DPT: variants seen among roughly 807,000 people sequenced by gnomAD.
The protein encoded by DPT is tyrosine-rich acidic matrix protein.
In DPT, 21 loss-of-function variants were observed where a neutral mutation model predicts 31.2. The observed-to-expected ratio is 0.67, with a 90% CI of 0.48 to 0.97. The LOEUF (loss-of-function observed/expected upper bound fraction) is 0.97, where lower values mean the gene tolerates loss of function less well. DPT is among the 50% of genes least tolerant of loss of function. The probability of loss-of-function intolerance (pLI) is 0.00; values close to 1 mark genes in which losing one functional copy is unlikely to be tolerated. For missense variants in DPT, 262 were observed against 258.8 expected (o/e 1.01, Z -0.08); for synonymous variants, 91 against 86.9 (o/e 1.05, Z -0.26).
At chr1:168,708,331 A>G (rs1247305673) in intron 2 of DPT, among the ~76,000 whole-genome samples, 1 of 152,220 alleles carries the variant, frequency 6.6e-6, no homozygotes, top group Non-Finnish European at 1.5e-5. Flanking sequence ...CCATTCCAGC[A>G]GATGAAAGGG....
At chr1:168,707,247 A>T (rs1480167460) in intron 2 of DPT, among the ~76,000 whole-genome samples, 2 of 152,184 alleles carry the variant, frequency 1.3e-5, no homozygotes. Context: ...ATAAATAAAT[A>T]TTATTATTAT....
chr1:168,712,864 T>C (rs950133533), intron 2 of DPT, among the ~76,000 whole-genome samples: 6 of 152,202 alleles, frequency 3.9e-5, no homozygotes, highest in African/African-American at 9.7e-5. Flanking sequence ...AACTATTGTA[T>C]TAACATGCTA....
intron 1 of DPT, among the ~76,000 whole-genome samples, chr1:168,715,705 C>A (rs996554164): frequency 6.6e-6 from 1 of 152,204 alleles, no homozygotes; most frequent in Non-Finnish European, 1.5e-5. Flanking sequence ...GTTCTGCCCC[C>A]ACACAGCATG....
At chr1:168,723,740 G>C (rs573259192) in intron 1 of DPT, among the ~76,000 whole-genome samples, 7 of 152,286 alleles carry the variant, frequency 4.6e-5, no homozygotes, top group Non-Finnish European at 1.0e-4. Flanking sequence ...GAGGTAAGGA[G>C]GTTGCTCTAG....
chr1:168,702,503 G>A (rs889279585), intron 2 of DPT, among the ~76,000 whole-genome samples: 1 of 151,810 alleles, frequency 6.6e-6, no homozygotes, highest in African/African-American at 2.4e-5. Context: ...AGGTACCTGT[G>A]TTTTTGCTTA....
chr1:168,718,677 G>A (rs6427143), intron 1 of DPT, among the ~76,000 whole-genome samples: 9,380 of 152,242 alleles, frequency 0.062, 947 homozygotes, highest in African/African-American at 0.21. Context: ...TCATCTGGGC[G>A]GGTTTCGTGC....
chr1:168,708,739 G>A (rs963456965), intron 2 of DPT, among the ~76,000 whole-genome samples: 7 of 152,172 alleles, frequency 4.6e-5, no homozygotes, highest in African/African-American at 1.4e-4. Flanking sequence ...TGAATTGCAG[G>A]AGGCTGTCTG....
chr1:168,701,537 A>T (rs1649597546), intron 2 of DPT, among the ~76,000 whole-genome samples: 1 of 152,254 alleles, frequency 6.6e-6, no homozygotes, highest in Admixed American at 6.5e-5. Flanking sequence ...AATAGAAAAG[A>T]AAATATAAAA....
At chr1:168,701,959 C>T (rs1649608375) in intron 2 of DPT, among the ~76,000 whole-genome samples, 1 of 152,174 alleles carries the variant, frequency 6.6e-6, no homozygotes, top group Admixed American at 6.5e-5. Flanking sequence ...TCTTCTTCCT[C>T]TTCCTCCTTT....
At chr1:168,705,005 T>A (rs1044352855) in intron 2 of DPT, among the ~76,000 whole-genome samples, 3 of 152,170 alleles carry the variant, frequency 2.0e-5, no homozygotes, top group African/African-American at 7.2e-5. Context: ...CAGAGCTGAG[T>A]CCAGGTATAC....
intron 1 of DPT, among the ~76,000 whole-genome samples, chr1:168,720,981 C>G (rs1650095863): frequency 6.6e-6 from 1 of 152,208 alleles, no homozygotes; most frequent in Non-Finnish European, 1.5e-5. Context: ...GGTCTGGAAT[C>G]TCTTCAGAAG....
Position 168,710,065 on chromosome 1 carries a change from G to T in DPT, c.431+4156C>A, listed in dbSNP as rs1321401573. Among the ~76,000 whole-genome samples, 3 of 152,054 alleles carry T rather than the reference G, an allele frequency of 2.0e-5. No homozygotes were observed. The South Asian group carries it at 6.2e-4, about 32-fold the overall frequency. Reference sequence around the variant, plus strand: ...TATCCTGGAGATGTTGAAAAAATAAGACCTAATTTATGCCCTGGAGGCATT... The same window carrying T: ...TATCCTGGAGATGTTGAAAAAATAATACCTAATTTATGCCCTGGAGGCATT... On this transcript the variant is annotated intron_variant, in intron 2 of 3. Transcript: ENST00000367817.
intron 3 of DPT, among the ~76,000 whole-genome samples, chr1:168,700,343 T>G (rs1649566861): frequency 6.6e-6 from 1 of 152,206 alleles, no homozygotes; most frequent in South Asian, 2.1e-4. Flanking sequence ...CACCTTGATC[T>G]TGGACTTTCC....
At chr1:168,708,701 CT>C (rs1247155907) in intron 2 of DPT, among the ~76,000 whole-genome samples, 3 of 151,860 alleles carry the variant, frequency 2.0e-5, no homozygotes, top group Non-Finnish European at 2.9e-5. Context: ...CTAATGGAAG[CT>C]GCTCTTCTTA....
intron 1 of DPT, among the ~76,000 whole-genome samples, chr1:168,719,119 A>G (rs373725470): frequency 3.9e-5 from 6 of 152,286 alleles, no homozygotes; most frequent in East Asian, 3.9e-4. Flanking sequence ...ACTATGTCCC[A>G]TTATTGGAGG....
At chr1:168,716,775 A>G (rs1017203671) in intron 1 of DPT, among the ~76,000 whole-genome samples, 1 of 152,136 alleles carries the variant, frequency 6.6e-6, no homozygotes, top group Non-Finnish European at 1.5e-5. Flanking sequence ...TCATTGTTCA[A>G]CTTCCACTTA....
At position 168,721,958 on chromosome 1, in the gene DPT, C is replaced by T. The variant is rs139184022; in HGVS notation, c.305+6912G>A. Among the ~76,000 whole-genome samples, 267 of 152,288 alleles carry T rather than the reference C, an allele frequency of 1.8e-3. 4 individuals carry two copies. The highest frequency in any genetic ancestry group is 5.7e-3 in the African/African-American group (236 of 41,546). On this transcript the variant is annotated intron_variant, in intron 1 of 3. Transcript: ENST00000367817. ...GGTTTTAACAGTGAAGCAGAAATGA[C>T]CTGCAGAACAGCATCTCTGGATAGA...
intron 1 of DPT, among the ~76,000 whole-genome samples, chr1:168,725,927 G>A (rs955079667): frequency 4.6e-5 from 7 of 152,184 alleles, no homozygotes; most frequent in East Asian, 1.9e-4. Context: ...GACTAAGCCT[G>A]TAGCCAACGT....
chr1:168,696,655 A>T (rs1649473746), intron 3 of DPT, 40 bp from the exon 4 acceptor site: 1 of 1,569,732 alleles, frequency 6.4e-7, no homozygotes, highest in Non-Finnish European at 8.8e-7. Context: ...TCAGTGAGAA[A>T]GGACATGGCA....
Sources: gnomAD v4.1 joint callset for allele counts (sites outside exome capture counted in the v4.1 genomes callset) on GRCh38, gnomAD v4.1.1 for gene constraint, MANE v1.5 for transcripts, NCBI Gene and HGNC (gene_info 2026-07-23, HGNC 2026-07-21) for gene names.